Variants in TTN observed in about 807,000 individuals in gnomAD.
The protein encoded by TTN is titin.
In TTN, 1,525 loss-of-function variants were observed where a neutral mutation model predicts 3,223.0. That is an observed-to-expected ratio of 0.47 (90% CI 0.45 to 0.49). TTN has a LOEUF of 0.49. TTN is among the 20% of genes least tolerant of loss of function. The probability of loss-of-function intolerance (pLI) is 0.00; values close to 1 mark genes in which losing one functional copy is unlikely to be tolerated. For missense variants in TTN, 40,786 were observed against 43,424.0 expected (o/e 0.94, Z 5.40); for synonymous variants, 14,094 against 15,161.0 (o/e 0.93, Z 5.17).
chr2:178,574,614 T>G lies in TTN; in HGVS notation c.71518A>C (p.Lys23840Gln). 1 of 1,613,296 alleles carries G rather than the reference T, an allele frequency of 6.2e-7. No individual in the cohort carries two copies. The highest frequency in any genetic ancestry group is 8.5e-7 in the Non-Finnish European group (1 of 1,179,510). Residue 23840 changes from lysine to glutamine, a missense_variant, in exon 326 of 363, where the codon AAG (lysine) becomes CAG (glutamine). Lys to Gln is a moderately conservative substitution (Grantham distance 53). Coordinates refer to ENST00000589042, the MANE Select transcript of TTN (RefSeq NM_001267550.2). ...TGCCAGCTAATTGTCATTGAATCCT[T>G]GGTAACTGCAGTTACCTGAGGGGTA... ...PGTPQVTAVT[K>Q]DSMTISWHEP...
Position 178,575,005 on chromosome 2 carries a change from C to G in TTN, c.71127G>C (p.Arg23709Ser), listed in dbSNP as rs1252709285. Residue 23709 changes from arginine (R) to serine (S), a missense_variant, in exon 326 of 363, where the codon AGG becomes AGC. Transcript: ENST00000589042. This position sits in a 1 kb window ranked among gnomAD's most constrained non-coding sequence, Gnocchi z 4.0. The part of the protein sequence containing the change: ...SDSGPYPLTA[R>S]NIVGEVGDVI... ...CATCACCAACCTCTCCTACAATGTTCCTTGCTGTTAATGGATAGGGCCCAC... is the reference window on the plus strand; with the variant it reads ...CATCACCAACCTCTCCTACAATGTTGCTTGCTGTTAATGGATAGGGCCCAC... 6.2e-7 allele frequency: 1 copy of G among 1,613,352 alleles called. No individual in the cohort carries two copies. Among genetic ancestry groups the G allele is most frequent in the Non-Finnish European group, 8.5e-7 (1 of 1,179,610 alleles).
rs1269399294 is a variant in TTN at position 178,543,991 on chromosome 2, C to T, written c.96153G>A (p.Gln32051=). 6.2e-7 allele frequency: 1 copy of T among 1,613,652 alleles called. No homozygotes were observed. The highest frequency in any genetic ancestry group is 8.5e-7 in the Non-Finnish European group (1 of 1,179,700). The change falls in exon 346 of 363, where the codon CAG becomes CAA. Residue 32051 remains glutamine (Q), a synonymous_variant. Coordinates refer to ENST00000589042, the MANE Select transcript of TTN (RefSeq NM_001267550.2). ...TTGCCCGGCTTGCAAGGTCAATGCC[C>T]TGCTTGCTCCACGTTATGACAGGAG... is the stretch of plus-strand genomic sequence containing the variant. ...RPPPVITWSK[Q]GIDLASRAII...
intron 82 of TTN, 30 bp from the exon 83 acceptor site, chr2:178,719,481 A>G (rs1383087023): frequency 1.9e-6 from 3 of 1,596,492 alleles, no homozygotes; most frequent in Non-Finnish European, 2.6e-6. Flanking sequence ...TTTGCGTTTA[A>G]AGAGAAGTTT....
chr2:178,751,975 A>G, intron 47 of TTN: 2 of 1,589,388 alleles, frequency 1.3e-6, no homozygotes, highest in Non-Finnish European at 1.7e-6. Context: ...CTATGTCTTC[A>G]GAATCTGAAA....
Position 178,618,100 on chromosome 2 carries a change from G to A in TTN, c.47270-19C>T. ...GGAACATCTGGATTTCACCACAGAA[G>A]AAGAAAATATGAGTTTGGGGTAACG... On this transcript the variant is annotated intron_variant, in intron 252 of 362. Coordinates refer to ENST00000589042, the MANE Select transcript of TTN (RefSeq NM_001267550.2). 6.2e-7 allele frequency: 1 copy of A among 1,611,224 alleles called. No homozygotes were observed. The highest frequency in any genetic ancestry group is 8.5e-7 in the Non-Finnish European group (1 of 1,178,762).
At chr2:178,757,199 A>G (rs1031078775) in intron 45 of TTN, among the ~76,000 whole-genome samples, 3 of 152,308 alleles carry the variant, frequency 2.0e-5, no homozygotes, top group Admixed American at 6.5e-5. Flanking sequence ...AGTAAGTAAT[A>G]CTGTACTTAC....
Position 178,560,846 on chromosome 2 carries a change from A to T in TTN, c.85286T>A (p.Val28429Glu), listed in dbSNP as rs747216991. 6 of 1,613,600 alleles carry T rather than the reference A, an allele frequency of 3.7e-6. No homozygotes were observed. The Admixed American group carries it at 1.0e-4, about 27-fold the overall frequency. Residue 28429 changes from valine to glutamate, a missense_variant, in exon 326 of 363, where the codon GTA becomes GAA. By Grantham distance (121) the Val-to-Glu change is moderately radical (BLOSUM62 -2). Transcript: ENST00000589042. ...DCIRRDTGQY[V>E]LTLKNVAGTR... ...GCCGGCAACATTCTTCAGTGTTAGT[A>T]CATATTGCCCAGTGTCTCGTCTTAT...
At position 178,529,113 on chromosome 2, in the gene TTN, C is replaced by G; in HGVS notation, c.106638G>C (p.Arg35546Ser). 5 of 1,594,202 alleles carry G rather than the reference C, an allele frequency of 3.1e-6. No homozygotes were observed. Among genetic ancestry groups the G allele is most frequent in the Non-Finnish European group, 2.6e-6 (3 of 1,171,810 alleles). ...VQEEISQKAL[R>S]SEEIKMSEAK... is the part of the protein sequence containing the mutation. ...CCTCTGACATCTTAATTTCTTCAGA[C>G]CTTAGGGCTTTTTGGGAAATTTCCT... The change falls in exon 360 of 363, where the codon AGG (arginine) becomes AGC (serine). Residue 35546 changes from arginine to serine, a missense_variant. Physicochemically the swap from Arg to Ser is moderately radical, Grantham distance 110. Coordinates refer to ENST00000589042, the MANE Select transcript of TTN (RefSeq NM_001267550.2).
Position 178,604,145 on chromosome 2 carries a change from C to A in TTN, c.54542G>T (p.Gly18181Val), listed in dbSNP as rs776456385. The change falls in exon 282 of 363, where the codon GGA (glycine) becomes GTA (valine). Residue 18181 changes from glycine to valine, a missense_variant. Physicochemically the swap from Gly to Val is moderately radical, Grantham distance 109. Coordinates refer to ENST00000589042, the MANE Select transcript of TTN (RefSeq NM_001267550.2). The stretch of plus-strand genomic sequence containing the variant: ...AGGAGTCCAGCTCACTAGCATTGAT[C>A]CTTTGGTGCGTGCCAAAACTTTTGG... Reference protein sequence around the residue: ...GKPKVLARTKGSMLVSWTPPL... With the variant: ...GKPKVLARTKVSMLVSWTPPL... The A allele has an allele frequency of 1.2e-6, 2 of 1,612,346 alleles. No homozygotes were observed. The highest frequency in any genetic ancestry group is 3.3e-5 in the Admixed American group (2 of 59,920).
Position 178,601,627 on chromosome 2 carries a change from A to G in TTN, c.55432+31T>C, listed in dbSNP as rs2053476911. 9 of 1,583,470 alleles carry G rather than the reference A, an allele frequency of 5.7e-6. No individual in the cohort carries two copies. In the South Asian group the frequency reaches 9.4e-5, roughly 17 times the overall value. On this transcript the variant is annotated intron_variant, in intron 286 of 362. Coordinates refer to ENST00000589042, the MANE Select transcript of TTN (RefSeq NM_001267550.2). ...AAATGCTTAAAAATAATTTGTTTTT[A>G]TTCTGTAGCAACTTTCAAAGTCTTT...
In TTN at chr2:178,589,808, A is replaced by G. The variant is rs368836220; in HGVS notation, c.61917T>C (p.Tyr20639=). ...KANLLANNEY[Y]FRVCAENKVG... ...CTTTATTCTCTGCACAAACTCGGAA[A>G]TAGTATTCATTGTTGGCTAAAAGGT... is the stretch of plus-strand genomic sequence containing the variant. The change falls in exon 304 of 363, where the codon TAT becomes TAC. Residue 20639 remains tyrosine (Y), a synonymous_variant. Transcript: ENST00000589042. The G allele has an allele frequency of 6.2e-7, 1 of 1,613,590 alleles. No homozygotes were observed. Among genetic ancestry groups the G allele is most frequent in the Non-Finnish European group, 8.5e-7 (1 of 1,179,626 alleles).
In TTN at chr2:178,570,174, A is replaced by C. The variant is rs772816442; in HGVS notation, c.75958T>G (p.Ser25320Ala). The C allele has an allele frequency of 2.2e-5, 36 of 1,613,408 alleles. No homozygotes were observed. Among genetic ancestry groups the C allele is most frequent in the Non-Finnish European group, 2.8e-5 (33 of 1,179,632 alleles). ...GGTCTTTCCCATACAACAATCATTGAGTCCTTGGTCACTGTTGTGACTTCT... is the reference window on the plus strand; with the variant it reads ...GGTCTTTCCCATACAACAATCATTGCGTCCTTGGTCACTGTTGTGACTTCT... Reference protein sequence around the residue: ...APEVTTVTKDSMIVVWERPAS... With the variant: ...APEVTTVTKDAMIVVWERPAS... Residue 25320 changes from serine to alanine, a missense_variant, in exon 326 of 363, where the codon TCA becomes GCA. Ser to Ala is a moderately conservative substitution (Grantham distance 99). Coordinates refer to ENST00000589042, the MANE Select transcript of TTN (RefSeq NM_001267550.2).
chr2:178,692,674 T>C (rs1025992896), intron 119 of TTN, 94 bp from the exon 120 acceptor site: 82 of 929,852 alleles, frequency 8.8e-5, no homozygotes, highest in African/African-American at 7.3e-4. Context: ...TCCCTTTTTA[T>C]ACCAACTGAA....
Position 178,710,698 on chromosome 2 carries a change from A to G in TTN, c.28399T>C (p.Tyr9467His), listed in dbSNP as rs2076528608. 1.2e-6 allele frequency: 2 copies of G among 1,613,548 alleles called. No individual in the cohort carries two copies. Among genetic ancestry groups the G allele is most frequent in the Non-Finnish European group, 1.7e-6 (2 of 1,179,806 alleles). Reference sequence around the variant, plus strand: ...ACTTCATTCACAGCATAGCAGGTATATTGTCCAGAATCTCCTTTGTCTACT... The same window carrying G: ...ACTTCATTCACAGCATAGCAGGTATGTTGTCCAGAATCTCCTTTGTCTACT... ...LKVDKGDSGQYTCYAVNEVGK... is the reference protein window; with the variant it reads ...LKVDKGDSGQHTCYAVNEVGK... The change falls in exon 98 of 363, where the codon TAT becomes CAT. Residue 9467 changes from tyrosine to histidine, a missense_variant. Physicochemically the swap from Tyr to His is moderately conservative, Grantham distance 83 (BLOSUM62 2). Transcript: ENST00000589042.
rs1225134445 is a variant in TTN at position 178,562,344 on chromosome 2, C to T, written c.83788G>A (p.Glu27930Lys). ...EATISGLTAG[E>K]EYVFRVAAVN... ...GCAGCTACCCTGAAGACATACTCTT[C>T]TCCTGCAGTTAAGCCAGATATAGTT... The change falls in exon 326 of 363, where the codon GAA becomes AAA. Residue 27930 changes from glutamate (E) to lysine (K), a missense_variant. Glu to Lys is a moderately conservative substitution (Grantham distance 56, BLOSUM62 1). Transcript: ENST00000589042. 3.7e-6 allele frequency: 6 copies of T among 1,611,202 alleles called. No individual in the cohort carries two copies. Among genetic ancestry groups the T allele is most frequent in the Non-Finnish European group, 4.2e-6 (5 of 1,178,848 alleles).
Position 178,662,979 on chromosome 2 carries a change from A to G in TTN, c.36777T>C (p.Ala12259=), listed in dbSNP as rs1357094244. Residue 12259 remains alanine (A), a synonymous_variant, in exon 174 of 363, where the codon GCT becomes GCC. Transcript: ENST00000589042. ...VPVPPAKKPE[A]PPPKVPEAPK... is the part of the protein sequence containing the mutation. ...AATGATACCTACCTTTAGGAGGTGG[A>G]GCTTCTGGCTTTTTGGCAGGAGGCA... The G allele has an allele frequency of 3.7e-6, 6 of 1,608,064 alleles. No homozygotes were observed. The highest frequency in any genetic ancestry group is 1.7e-5 in the Admixed American group (1 of 59,658).
Position 178,593,005 on chromosome 2 carries a change from C to T in TTN, c.59114G>A (p.Arg19705His), listed in dbSNP as rs727503590. 26 of 1,613,300 alleles carry T rather than the reference C, an allele frequency of 1.6e-5. No individual in the cohort carries two copies. The highest frequency in any genetic ancestry group is 3.3e-5 in the Admixed American group (2 of 59,956). ...CAGAATCTTGCTCCCACCATCATGA[C>T]GTGGTGGCTGCCAAGTTAGATCGAC... is the stretch of plus-strand genomic sequence containing the variant. ...NSVDLTWQPPRHDGGSKILGY... is the reference protein window; with the variant it reads ...NSVDLTWQPPHHDGGSKILGY... Residue 19705 changes from arginine (R) to histidine (H), a missense_variant, in exon 300 of 363, where the codon CGT becomes CAT. By Grantham distance (29) the Arg-to-His change is conservative. Transcript: ENST00000589042.
chr2:178,772,861 G>A (rs1243940778), intron 33 of TTN: 1 of 529,682 alleles, frequency 1.9e-6, no homozygotes, highest in East Asian at 3.3e-5. Context: ...GTTGGATGAG[G>A]AAGAGATCAT....
chr2:178,573,521 C>A lies in TTN; in HGVS notation c.72611G>T (p.Gly24204Val). The change falls in exon 326 of 363, where the codon GGA (glycine) becomes GTA (valine). Residue 24204 changes from glycine to valine, a missense_variant. Transcript: ENST00000589042. ...CTCTGATTCCAGTGGCTCTCCCACT[C>A]CATATTTATTTACAGCCATGACACG... ...IFRVMAVNKY[G>V]VGEPLESEPV... 6.7e-7 allele frequency: 1 copy of A among 1,497,376 alleles called. No individual in the cohort carries two copies. The highest frequency in any genetic ancestry group is 1.5e-5 in the South Asian group (1 of 68,628). 92.8% of individuals were successfully genotyped at this position (1,497,376 alleles called of 1,614,324 possible).
Sources: allele counts gnomAD v4.1 joint callset (sites outside exome capture counted in the v4.1 genomes callset), GRCh38; gene constraint gnomAD v4.1.1; non-coding constraint Gnocchi (gnomAD v3.1); transcripts MANE v1.5; gene names NCBI Gene and HGNC (gene_info 2026-07-23, HGNC 2026-07-21).